EVL: variants seen among roughly 807,000 people sequenced by gnomAD.
The protein encoded by EVL is Enah/Vasp-like.
EVL carries 21 observed loss-of-function variants against 59.6 expected under a neutral mutation model. That is an observed-to-expected ratio of 0.35 (90% CI 0.25 to 0.51). The LOEUF (loss-of-function observed/expected upper bound fraction) is 0.51, where lower values mean the gene tolerates loss of function less well. Among genes scored for constraint, EVL ranks in the 20% least tolerant of loss-of-function variants. The pLI is 0.97. For missense variants in EVL, 462 were observed against 546.6 expected (o/e 0.85, Z 1.54); for synonymous variants, 198 against 203.5 (o/e 0.97, Z 0.23).
Position 100,130,091 on chromosome 14 carries a change from C to T in EVL, c.839+407C>T, listed in dbSNP as rs1888336254. Among the ~76,000 whole-genome samples the T allele has an allele frequency of 1.3e-5, 2 of 152,238 alleles. No individual in the cohort carries two copies. The highest frequency in any genetic ancestry group is 6.5e-5 in the Admixed American group (1 of 15,286). ...CTCTGGTGAATGTGTGGTGAAGGCA[C>T]CCCATTCTCCAGGGTTCTTTATGGA... On this transcript the variant is annotated intron_variant, in intron 7 of 13. Transcript: ENST00000392920. This position sits in a 1 kb window ranked among gnomAD's most constrained non-coding sequence, Gnocchi z 4.8.
chr14:100,131,194 G>T (rs1205158775), intron 7 of EVL, among the ~76,000 whole-genome samples: 1 of 152,216 alleles, frequency 6.6e-6, no homozygotes, highest in Non-Finnish European at 1.5e-5. Context: ...AATAGAAATA[G>T]TTTTGGAAAA....
chr14:100,010,459 A>G (rs1419773522), intron 1 of EVL, among the ~76,000 whole-genome samples: 1 of 152,130 alleles, frequency 6.6e-6, no homozygotes, highest in Non-Finnish European at 1.5e-5. Context: ...AGGCAACAAG[A>G]TCGTGCAGTG....
intron 1 of EVL, among the ~76,000 whole-genome samples, chr14:100,028,397 G>C (rs1220364444): frequency 6.6e-6 from 1 of 152,056 alleles, no homozygotes; most frequent in African/African-American, 2.4e-5. Context: ...TGTCTATTCA[G>C]ATCTTTTGCC....
intron 11 of EVL, 75 bp downstream of exon 11, chr14:100,137,877 C>T: frequency 7.1e-7 from 1 of 1,416,640 alleles, no homozygotes. Flanking sequence ...TGACTAACAC[C>T]CTTGCACGCT....
chr14:100,023,617 G>A (rs767441181), intron 1 of EVL, among the ~76,000 whole-genome samples: 2 of 151,462 alleles, frequency 1.3e-5, no homozygotes, highest in Non-Finnish European at 2.9e-5. Context: ...ATGAGCCACC[G>A]CACCTAGCCT....
At chr14:100,052,785 T>C (rs1243548931) in intron 1 of EVL, 1 of 152,228 alleles carries the variant, frequency 6.6e-6, no homozygotes, top group Non-Finnish European at 1.5e-5. Context: ...ACATAGGTTT[T>C]CTAAATACTT....
chr14:99,977,316 G>A (rs2060776764), intron 1 of EVL: 1 of 152,032 alleles, frequency 6.6e-6, no homozygotes, highest in African/African-American at 2.4e-5. Flanking sequence ...CCTTTCCATG[G>A]TTCCTTTCTC....
chr14:100,133,043 G>A (rs186550809), intron 8 of EVL, among the ~76,000 whole-genome samples: 18 of 152,346 alleles, frequency 1.2e-4, no homozygotes, highest in Non-Finnish European at 2.2e-4. Context: ...CCGCTGCACC[G>A]CAGGGCTACC....
intron 1 of EVL, among the ~76,000 whole-genome samples, chr14:99,980,231 A>G (rs905238079): frequency 3.9e-5 from 6 of 152,192 alleles, no homozygotes; most frequent in African/African-American, 1.4e-4. Context: ...GACTTAAATT[A>G]TATTTTTCTC....
chr14:100,055,892 A>G (rs988006769), intron 1 of EVL, among the ~76,000 whole-genome samples: 9 of 151,620 alleles, frequency 5.9e-5, no homozygotes, highest in South Asian at 4.2e-4. Context: ...GCTCACCACA[A>G]CCTCTGCCTC....
At chr14:100,077,431 A>T (rs1275680214) in intron 1 of EVL, among the ~76,000 whole-genome samples, 1 of 152,218 alleles carries the variant, frequency 6.6e-6, no homozygotes, top group Non-Finnish European at 1.5e-5. Context: ...TCTCTTAAGC[A>T]TGTTAAATTG....
rs1465084306 is a variant in EVL, at chr14:100,028,142, T to G, written c.5+56085T>G. Among the ~76,000 whole-genome samples the G allele has an allele frequency of 1.6e-4, 23 of 144,432 alleles. 1 individual carries two copies. Among genetic ancestry groups the G allele is most frequent in the Non-Finnish European group, 2.1e-4 (14 of 65,744 alleles). The allele number at this position is 144,432 out of a possible 152,430, so 94.8% of individuals were successfully genotyped here. On this transcript the variant is annotated intron_variant, in intron 1 of 13. Coordinates refer to the EVL transcript ENST00000402714. ...TGTTTTTTTGTTTGTTTGTTTTTTTTTTTTTTTTTGAGGAACCTCCAAACT... is the reference window on the plus strand; with the variant it reads ...TGTTTTTTTGTTTGTTTGTTTTTTTGTTTTTTTTTGAGGAACCTCCAAACT...
Position 100,097,334 on chromosome 14 carries a change from C to G in EVL, c.181-147C>G, listed in dbSNP as rs1236860919. The G allele has an allele frequency of 4.5e-6, 3 of 671,224 alleles. No homozygotes were observed. In the East Asian group the frequency reaches 8.6e-5, roughly 19 times the overall value. 41.6% of individuals were successfully genotyped at this position (671,224 alleles called of 1,614,324 possible). A position where few individuals can be genotyped will look rare whatever the true frequency, so the allele number is the denominator to read the frequency against. ...GTTCTATAGATTATGGTCTGAAAGT[C>G]TACCTGATATTGCTTTTCCCTTCTT... On this transcript the variant is annotated intron_variant, in intron 2 of 13. Transcript: ENST00000392920.
At position 100,127,175 on chromosome 14, in the gene EVL, C is replaced by A. The variant is rs182067338; in HGVS notation, c.487+404C>A. Among the ~76,000 whole-genome samples, 75 of 152,348 alleles carry A rather than the reference C, an allele frequency of 4.9e-4. No individual in the cohort carries two copies. Among genetic ancestry groups the A allele is most frequent in the Non-Finnish European group, 9.1e-4 (62 of 68,032 alleles). Reference sequence around the variant, plus strand: ...CACTGTGGCAAGTGACGTGCAGGTGCTGAAGGCCTACCTTGGGTCAGGAAG... The same window carrying A: ...CACTGTGGCAAGTGACGTGCAGGTGATGAAGGCCTACCTTGGGTCAGGAAG... On this transcript the variant is annotated intron_variant, in intron 5 of 13. Coordinates refer to ENST00000392920, the MANE Select transcript of EVL (RefSeq NM_016337.3). The surrounding 1 kb of genome is among the most constrained non-coding windows in gnomAD (Gnocchi z 4.2).
chr14:100,119,360 C>A (rs1887549611), intron 3 of EVL, among the ~76,000 whole-genome samples: 1 of 152,226 alleles, frequency 6.6e-6, no homozygotes, highest in Admixed American at 6.5e-5. Flanking sequence ...TCGGCAAAAT[C>A]AGCTCCCAGA....
chr14:100,136,128 C>G (rs1032582270), intron 9 of EVL, among the ~76,000 whole-genome samples, 160 bp downstream of exon 9: 1 of 144,158 alleles, frequency 6.9e-6, no homozygotes, highest in African/African-American at 2.5e-5. Context: ...CAGAGCCTCC[C>G]CCAGGAGCCC....
intron 6 of EVL, 109 bp downstream of exon 6, chr14:100,128,857 C>G: frequency 1.1e-6 from 1 of 926,314 alleles, no homozygotes. Context: ...AACTGCTTCC[C>G]TGCCCAAAGC....
At chr14:99,991,177 T>C (rs570814464) in intron 1 of EVL, among the ~76,000 whole-genome samples, 1 of 152,316 alleles carries the variant, frequency 6.6e-6, no homozygotes, top group South Asian at 2.1e-4. Flanking sequence ...CATTTCCACT[T>C]AGTGAATAGT....
At chr14:100,135,715 A>G (rs1888737258) in intron 8 of EVL, 190 bp from the exon 9 acceptor site, 1 of 566,766 alleles carries the variant, frequency 1.8e-6, no homozygotes, top group South Asian at 2.1e-5. Context: ...AGCTTTGTCC[A>G]CTGGCTCGAT....
Sources: gnomAD v4.1 joint callset for allele counts (sites outside exome capture counted in the v4.1 genomes callset) on GRCh38, gnomAD v4.1.1 for gene constraint, Gnocchi (gnomAD v3.1) non-coding constraint, MANE v1.5 for transcripts, NCBI Gene and HGNC (gene_info 2026-07-23, HGNC 2026-07-21) for gene names.